XPNPEP3: variants seen among roughly 807,000 people sequenced by gnomAD.
XPNPEP3 encodes X-prolyl aminopeptidase 3.
In XPNPEP3, 41 loss-of-function variants were observed where a neutral mutation model predicts 60.0. That is an observed-to-expected ratio of 0.68 (90% CI 0.53 to 0.89). XPNPEP3 has a LOEUF of 0.89. Among genes scored for constraint, XPNPEP3 ranks in the 40% least tolerant of loss-of-function variants. The probability of loss-of-function intolerance (pLI) is 0.00; values close to 1 mark genes in which losing one functional copy is unlikely to be tolerated. For synonymous variants in XPNPEP3, 212 were observed against 223.2 expected (o/e 0.95, Z 0.45); for missense variants, 598 against 638.9 (o/e 0.94, Z 0.69).
chr22:40,883,051 C>G (rs975236458), intron 3 of XPNPEP3, among the ~76,000 whole-genome samples: 3 of 152,078 alleles, frequency 2.0e-5, no homozygotes, highest in African/African-American at 7.2e-5. Flanking sequence ...AGTGAGACCC[C>G]ATCTCCAAAA....
At position 40,930,491 on chromosome 22, in the gene XPNPEP3, A is replaced by G. The variant is rs1422499912; in HGVS notation, c.*4056A>G. ...TTACAGGGTAAATAATGATGTTTTG[A>G]TACATATATAATGATCAGATCAGAA... On this transcript the variant is annotated 3_prime_UTR_variant, in exon 10 of 10. Transcript: ENST00000357137. The G allele has an allele frequency of 6.6e-6, 1 of 151,946 alleles. No homozygotes were observed. The highest frequency in any genetic ancestry group is 1.5e-5 in the Non-Finnish European group (1 of 67,970). 9.4% of individuals were successfully genotyped at this position (151,946 alleles called of 1,614,324 possible).
chr22:40,899,215 CT>C (rs2058121615), intron 4 of XPNPEP3, among the ~76,000 whole-genome samples: 1 of 151,990 alleles, frequency 6.6e-6, no homozygotes. Context: ...TCTCAGCTGA[CT>C]CATCAAAAAA....
At chr22:40,868,758 A>G (rs1416196050) in intron 1 of XPNPEP3, among the ~76,000 whole-genome samples, 1 of 151,972 alleles carries the variant, frequency 6.6e-6, no homozygotes, top group Non-Finnish European at 1.5e-5. Flanking sequence ...GAGGCAGGAG[A>G]ATCACTTGAA....
Position 40,882,022 on chromosome 22 carries a change from C to T in XPNPEP3, c.434C>T (p.Pro145Leu). 1.2e-6 allele frequency: 2 copies of T among 1,614,116 alleles called. No individual in the cohort carries two copies. The highest frequency in any genetic ancestry group is 2.2e-5 in the East Asian group (1 of 44,888). ...CAGAGCCTCCCTGGCAAACAATTAC[C>T]ATCACACAAAGCCATACTTTTTGTG... The part of the protein sequence containing the change: ...VLQSLPGKQL[P>L]SHKAILFVPR... The change falls in exon 3 of 10, where the codon CCA becomes CTA. Residue 145 changes from proline to leucine, a missense_variant. Physicochemically the swap from Pro to Leu is moderately conservative, Grantham distance 98. Coordinates refer to ENST00000357137, the MANE Select transcript of XPNPEP3 (RefSeq NM_022098.4).
At chr22:40,914,153 A>AG in intron 6 of XPNPEP3, 86 bp from the exon 7 acceptor site, 1 of 1,234,514 alleles carries the variant, frequency 8.1e-7, no homozygotes, top group Non-Finnish European at 1.2e-6. Context: ...AGAAAAAAAA[A>AG]AAAAAAAGAA....
At chr22:40,922,946 C>T (rs755739215) in intron 8 of XPNPEP3, among the ~76,000 whole-genome samples, 6 of 152,106 alleles carry the variant, frequency 3.9e-5, no homozygotes, top group Non-Finnish European at 8.8e-5. Flanking sequence ...GCATAACTAG[C>T]TCAGTATTCA....
intron 4 of XPNPEP3, among the ~76,000 whole-genome samples, chr22:40,891,426 G>C (rs180680960): frequency 6.6e-6 from 1 of 151,620 alleles, no homozygotes; most frequent in African/African-American, 2.4e-5. Flanking sequence ...AAGCCGAGGC[G>C]GGCGGATCAC....
At chr22:40,914,144 G>GAAAAAAAAACAAAA (rs2058186592) in intron 6 of XPNPEP3, 95 bp from the exon 7 acceptor site, 1 of 713,480 alleles carries the variant, frequency 1.4e-6, no homozygotes. Flanking sequence ...CTCCGTCTCA[G>GAAAAAAAAACAAAA]AAAAAAAAAA....
intron 1 of XPNPEP3, among the ~76,000 whole-genome samples, chr22:40,865,042 C>G (rs1369782678): frequency 1.3e-5 from 2 of 152,168 alleles, no homozygotes; most frequent in African/African-American, 4.8e-5. Context: ...AATACGAGCA[C>G]TTGTTTCTGC....
intron 7 of XPNPEP3, among the ~76,000 whole-genome samples, chr22:40,915,820 A>C (rs1414767000): frequency 6.6e-6 from 1 of 152,210 alleles, no homozygotes; most frequent in Admixed American, 6.5e-5. Context: ...ATGTGTTCTG[A>C]GGAGGCCTCA....
intron 2 of XPNPEP3, among the ~76,000 whole-genome samples, chr22:40,878,122 C>T (rs879674485): frequency 1.1e-4 from 17 of 151,326 alleles, no homozygotes; most frequent in Non-Finnish European, 2.4e-4. Context: ...AGGAGAATTG[C>T]TTGAACCTGG....
At chr22:40,860,786 G>T in intron 1 of XPNPEP3, 6 of 669,454 alleles carry the variant, frequency 9.0e-6, no homozygotes, top group Non-Finnish European at 1.5e-5. Flanking sequence ...GAGTAGCTGG[G>T]ACTACAGGTG....
intron 7 of XPNPEP3, among the ~76,000 whole-genome samples, chr22:40,916,519 C>T (rs1024814170): frequency 2.6e-5 from 4 of 152,156 alleles, no homozygotes; most frequent in Non-Finnish European, 4.4e-5. Flanking sequence ...CATAGAGCAA[C>T]TAGCTAACAA....
chr22:40,868,652 C>T (rs1213992690), intron 1 of XPNPEP3, among the ~76,000 whole-genome samples: 7 of 151,918 alleles, frequency 4.6e-5, no homozygotes, highest in Admixed American at 2.6e-4. Flanking sequence ...GTCAAGAGTT[C>T]GAGACCAGCC....
chr22:40,897,056 C>T lies in XPNPEP3; in HGVS notation c.793-10531C>T, dbSNP rs1450746154. ...TTTTTTTTTTTTTTTTTTTTTGAGA[C>T]GGAGTTTCGCTGTTGCCCAGGCTGG... On this transcript the variant is annotated intron_variant, in intron 4 of 9. Transcript: ENST00000357137. Among the ~76,000 whole-genome samples, 19 of 108,632 alleles carry T rather than the reference C, an allele frequency of 1.7e-4. No individual in the cohort carries two copies. In the East Asian group the frequency reaches 2.3e-3, roughly 13 times the overall value. 71.3% of individuals were successfully genotyped at this position (108,632 alleles called of 152,430 possible). A position where few individuals can be genotyped will look rare whatever the true frequency, so the allele number is the denominator to read the frequency against.
chr22:40,910,502 C>A (rs2058173241), intron 6 of XPNPEP3, among the ~76,000 whole-genome samples: 1 of 151,080 alleles, frequency 6.6e-6, no homozygotes, highest in African/African-American at 2.4e-5. Flanking sequence ...TGCAGGAGTT[C>A]AAGACTGGCC....
chr22:40,918,075 G>A (rs1190670453), intron 7 of XPNPEP3, among the ~76,000 whole-genome samples: 1 of 151,156 alleles, frequency 6.6e-6, no homozygotes, highest in Admixed American at 6.6e-5. Flanking sequence ...ACAATTAACT[G>A]ACTATAAACT....
intron 4 of XPNPEP3, among the ~76,000 whole-genome samples, chr22:40,887,593 C>T (rs1436750651): frequency 6.6e-6 from 1 of 152,092 alleles, no homozygotes; most frequent in Non-Finnish European, 1.5e-5. Flanking sequence ...ATTAGAGCCC[C>T]ACCCTTAATT....
intron 6 of XPNPEP3, among the ~76,000 whole-genome samples, chr22:40,911,503 C>G (rs1209847291): frequency 6.7e-6 from 1 of 150,250 alleles, no homozygotes; most frequent in Non-Finnish European, 1.5e-5. Flanking sequence ...ACTCCTCATT[C>G]AGTATCTCTC....
Sources: gnomAD v4.1 joint callset for allele counts (sites outside exome capture counted in the v4.1 genomes callset) on GRCh38, gnomAD v4.1.1 for gene constraint, MANE v1.5 for transcripts, NCBI Gene and HGNC (gene_info 2026-07-23, HGNC 2026-07-21) for gene names.